LRRC7: variants seen among roughly 807,000 people sequenced by gnomAD.
LRRC7 encodes the protein leucine rich repeat containing 7.
In LRRC7, 23 loss-of-function variants were observed where a neutral mutation model predicts 175.7. The ratio of observed to expected loss-of-function variants is 0.13; its 90% CI spans 0.09 to 0.19. The LOEUF is 0.19. Among genes scored for constraint, LRRC7 ranks in the 10% least tolerant of loss-of-function variants. The pLI is 1.00. For missense variants in LRRC7, 1,354 were observed against 1,904.7 expected (o/e 0.71, Z 5.38); for synonymous variants, 685 against 680.9 (o/e 1.01, Z -0.09).
intron 4 of LRRC7, among the ~76,000 whole-genome samples, chr1:69,823,744 TA>T (rs981032697): frequency 6.6e-6 from 1 of 152,208 alleles, no homozygotes; most frequent in Non-Finnish European, 1.5e-5. Flanking sequence ...GATTCTTTTT[TA>T]TTTCTAATAA....
chr1:70,041,945 A>G (rs1431042404), intron 21 of LRRC7, among the ~76,000 whole-genome samples: 1 of 152,178 alleles, frequency 6.6e-6, no homozygotes, highest in African/African-American at 2.4e-5. Flanking sequence ...AAGCAAACTC[A>G]TGTATTTTTC....
intron 2 of LRRC7, among the ~76,000 whole-genome samples, chr1:69,738,197 C>T (rs1402812589): frequency 6.6e-6 from 1 of 151,946 alleles, no homozygotes; most frequent in East Asian, 1.9e-4. Context: ...AGTAATATTG[C>T]ATTGATTACT....
chr1:69,987,835 C>A (rs1654079043), intron 10 of LRRC7, among the ~76,000 whole-genome samples: 1 of 152,076 alleles, frequency 6.6e-6, no homozygotes, highest in Non-Finnish European at 1.5e-5. Flanking sequence ...TTTACAAAAT[C>A]CCATATTTTA....
At chr1:70,091,279 TAAAG>T (rs1216446548) in intron 25 of LRRC7, among the ~76,000 whole-genome samples, 1 of 152,178 alleles carries the variant, frequency 6.6e-6, no homozygotes, top group African/African-American at 2.4e-5. Context: ...TGATACATCT[TAAAG>T]AAGCATAAAG....
chr1:69,925,133 G>C lies in LRRC7; in HGVS notation c.648-6374G>C, dbSNP rs144333410. Among the ~76,000 whole-genome samples, 1,252 of 152,076 alleles carry C rather than the reference G, an allele frequency of 8.2e-3. 17 individuals are homozygous for C. Among genetic ancestry groups the C allele is most frequent in the African/African-American group, 0.028 (1,143 of 41,478 alleles). On this transcript the variant is annotated intron_variant, in intron 7 of 26. Transcript: ENST00000651989. ...ATTTGCATATATTGAACTAGCCTTG[G>C]GTCCCAGGGATGAAGCCCACTTGAT...
intron 7 of LRRC7, among the ~76,000 whole-genome samples, chr1:69,869,402 A>G (rs1387703192): frequency 4.6e-5 from 7 of 152,100 alleles, no homozygotes. Context: ...GACATCATCA[A>G]TGAAGGTTAA....
chr1:69,973,150 T>A (rs780997392), intron 8 of LRRC7, among the ~76,000 whole-genome samples: 22 of 151,280 alleles, frequency 1.5e-4, no homozygotes, highest in Non-Finnish European at 2.9e-4. Context: ...TGGATGAGAC[T>A]GGAGACTATT....
At chr1:69,722,133 G>A (rs1343045885) in intron 2 of LRRC7, among the ~76,000 whole-genome samples, 1 of 123,406 alleles carries the variant, frequency 8.1e-6, no homozygotes, top group Admixed American at 8.8e-5. Context: ...GTAAGCCTAT[G>A]TACACATATA....
At chr1:69,925,736 C>T (rs898249388) in intron 7 of LRRC7, among the ~76,000 whole-genome samples, 18 of 151,978 alleles carry the variant, frequency 1.2e-4, no homozygotes, top group Non-Finnish European at 2.2e-4. Context: ...TTTGTTGATC[C>T]TTGCAAAAAA....
At chr1:69,809,152 G>A (rs975397187) in intron 4 of LRRC7, among the ~76,000 whole-genome samples, 3 of 152,104 alleles carry the variant, frequency 2.0e-5, no homozygotes, top group African/African-American at 7.2e-5. Context: ...ACACCTCTAT[G>A]CAAATAAACT....
At chr1:69,792,449 C>T (rs913281268) in intron 4 of LRRC7, among the ~76,000 whole-genome samples, 7 of 152,038 alleles carry the variant, frequency 4.6e-5, no homozygotes, top group Non-Finnish European at 8.8e-5. Flanking sequence ...GCTGACCTCT[C>T]TCATTCTCAG....
chr1:69,680,449 T>G (rs1391909982), intron 2 of LRRC7, among the ~76,000 whole-genome samples: 2 of 152,178 alleles, frequency 1.3e-5, no homozygotes, highest in Non-Finnish European at 2.9e-5. Flanking sequence ...ACTTGTGTTA[T>G]AAATTCTCAT....
At position 70,143,881 on chromosome 1, in the gene LRRC7, C is replaced by A. The variant is rs1667191979; in HGVS notation, c.*21994C>A. On this transcript the variant is annotated 3_prime_UTR_variant, in exon 27 of 27. Coordinates refer to ENST00000651989, the MANE Select transcript of LRRC7 (RefSeq NM_001370785.2). ...ATGTGTTAAAAAGACTACTATATCACAATTAAAAGTACTTTTTAGTTGAAC... is the reference window on the plus strand; with the variant it reads ...ATGTGTTAAAAAGACTACTATATCAAAATTAAAAGTACTTTTTAGTTGAAC... The A allele has an allele frequency of 6.6e-6, 1 of 152,046 alleles. No homozygotes were observed. The highest frequency in any genetic ancestry group is 2.1e-4 in the South Asian group (1 of 4,834). The allele number at this position is 152,046 out of a possible 1,614,324, so 9.4% of individuals were successfully genotyped here.
intron 2 of LRRC7, among the ~76,000 whole-genome samples, chr1:69,697,469 G>A (rs1662756465): frequency 6.6e-6 from 1 of 152,096 alleles, no homozygotes; most frequent in African/African-American, 2.4e-5. Flanking sequence ...CCCCGCTGTG[G>A]GCAAAACCAT....
intron 23 of LRRC7, among the ~76,000 whole-genome samples, chr1:70,059,474 A>AGTGTGTGTGTGTGT (rs10542055): frequency 7.3e-4 from 96 of 132,286 alleles, no homozygotes; most frequent in African/African-American, 2.7e-3. Flanking sequence ...ACTAGAAGAA[A>AGTGTGTGTGTGTGT]GTGTGTGTGT....
chr1:70,057,048 C>G (rs920814171), intron 23 of LRRC7, among the ~76,000 whole-genome samples: 1 of 152,096 alleles, frequency 6.6e-6, no homozygotes, highest in African/African-American at 2.4e-5. Flanking sequence ...GTAAAGAAAC[C>G]TGTAAAACTC....
chr1:69,622,090 C>T (rs1313334941), intron 1 of LRRC7, among the ~76,000 whole-genome samples: 1 of 152,296 alleles, frequency 6.6e-6, no homozygotes, highest in African/African-American at 2.4e-5. Context: ...ATGCTAGCTA[C>T]TCATCTTCTG....
At chr1:69,868,533 T>G (rs1685173214) in intron 7 of LRRC7, among the ~76,000 whole-genome samples, 1 of 151,954 alleles carries the variant, frequency 6.6e-6, no homozygotes, top group Non-Finnish European at 1.5e-5. Flanking sequence ...CTATAAGCAG[T>G]TAAGAGTTGG....
At chr1:69,743,429 G>A (rs1557672660) in intron 2 of LRRC7, among the ~76,000 whole-genome samples, 2 of 151,982 alleles carry the variant, frequency 1.3e-5, no homozygotes, top group Non-Finnish European at 2.9e-5. Context: ...GAATGCAAAG[G>A]CATCATGGGT....
Sources: allele counts gnomAD v4.1 joint callset (sites outside exome capture counted in the v4.1 genomes callset), GRCh38; gene constraint gnomAD v4.1.1; transcripts MANE v1.5; gene names NCBI Gene and HGNC (gene_info 2026-07-23, HGNC 2026-07-21).